ESR1: variants seen among roughly 807,000 people sequenced by gnomAD.
The protein encoded by ESR1 is estrogen receptor.
A neutral mutation model predicts 52.7 loss-of-function variants in ESR1; 12 were observed. The ratio of observed to expected loss-of-function variants is 0.23; its 90% CI spans 0.15 to 0.37. The LOEUF is 0.37. ESR1 is among the 10% of genes least tolerant of loss of function. The pLI is 1.00. For synonymous variants in ESR1, 305 were observed against 316.8 expected, an observed-to-expected ratio of 0.96 and a Z score of 0.39; for missense variants, 584 against 779.7, an observed-to-expected ratio of 0.75 and a Z score of 2.99.
chr6:151,909,505 G>A (rs894541288), intron 3 of ESR1, among the ~76,000 whole-genome samples: 2 of 152,184 alleles, frequency 1.3e-5, no homozygotes, highest in African/African-American at 4.8e-5. Flanking sequence ...ATGAGCTTCT[G>A]ACACCAGGAA....
intron 6 of ESR1, among the ~76,000 whole-genome samples, chr6:152,087,266 T>C (rs1682017180): frequency 6.6e-6 from 1 of 152,206 alleles, no homozygotes; most frequent in Non-Finnish European, 1.5e-5. Context: ...AAATGACTTC[T>C]AAATAACTTC....
intron 6 of ESR1, among the ~76,000 whole-genome samples, chr6:152,115,571 A>G (rs970982773): frequency 3.3e-5 from 5 of 152,232 alleles, no homozygotes; most frequent in Non-Finnish European, 7.3e-5. Context: ...TCTACCAAGG[A>G]AAAAGAACCT....
chr6:151,801,025 T>TG (rs1485125535), upstream of ESR1, among the ~76,000 whole-genome samples: 1 of 149,982 alleles, frequency 6.7e-6, no homozygotes, highest in Non-Finnish European at 1.5e-5. Context: ...GCTCTGAAAT[T>TG]GGGGATGGTT....
At chr6:151,961,118 A>G (rs974854127) in intron 4 of ESR1, among the ~76,000 whole-genome samples, 2 of 152,098 alleles carry the variant, frequency 1.3e-5, no homozygotes, top group African/African-American at 4.8e-5. Flanking sequence ...AGTTTAGGAG[A>G]GAGGCTGGAC....
rs911610541 is a variant in ESR1 at position 151,879,656 on chromosome 6, G to A, written c.644-999G>A. 5.3e-5 allele frequency among the ~76,000 whole-genome samples: 8 copies of A among 152,122 alleles called. No individual in the cohort carries two copies. The East Asian group carries it at 5.8e-4, about 11-fold the overall frequency. On this transcript the variant is annotated intron_variant, in intron 2 of 7. Transcript: ENST00000206249. Reference sequence around the variant, plus strand: ...TCTTTTGAGTGTTTTCTATATCCGGGGAACTATGGTAAACTCCTAACCTGC... The same window carrying A: ...TCTTTTGAGTGTTTTCTATATCCGGAGAACTATGGTAAACTCCTAACCTGC...
rs2046872656 is a variant in ESR1 at position 152,053,680 on chromosome 6, G to T, written c.1236-7311G>T. ...TCTCTCTCTCTCTCTCTCTTCCCTA[G>T]TGAGCTCACTTGCTTTCCCAGTTTC... is the stretch of plus-strand genomic sequence containing the variant. On this transcript the variant is annotated intron_variant, in intron 5 of 7. Transcript: ENST00000206249. This position sits in a 1 kb window ranked among gnomAD's most constrained non-coding sequence, Gnocchi z 4.1. 6.7e-6 allele frequency among the ~76,000 whole-genome samples: 1 copy of T among 150,262 alleles called. No individual in the cohort carries two copies. The highest frequency in any genetic ancestry group is 6.7e-5 in the Admixed American group (1 of 14,990).
intron 1 of ESR1, among the ~76,000 whole-genome samples, chr6:151,681,231 A>T: frequency 6.6e-6 from 1 of 152,198 alleles, no homozygotes; most frequent in Non-Finnish European, 1.5e-5. Flanking sequence ...ATTCTTAATT[A>T]TATTTCTGGC....
rs894092114 is a variant in ESR1, at chr6:152,099,663, C to T, written c.*697C>T. The T allele has an allele frequency of 2.3e-5, 6 of 257,928 alleles. No individual in the cohort carries two copies. Among genetic ancestry groups the T allele is most frequent in the South Asian group, 1.7e-4 (1 of 5,788 alleles). The allele number at this position is 257,928 out of a possible 1,614,324, so 16.0% of individuals were successfully genotyped here. A position where few individuals can be genotyped will look rare whatever the true frequency, so the allele number is the denominator to read the frequency against. On this transcript the variant is annotated 3_prime_UTR_variant, in exon 8 of 8. Coordinates refer to ENST00000206249, the MANE Select transcript of ESR1 (RefSeq NM_000125.4). ...GCTGAAAGCTCTGCCTCTGGCTTTCCGGTCATGGGTTCCAGTTAATTCATG... is the reference window on the plus strand; with the variant it reads ...GCTGAAAGCTCTGCCTCTGGCTTTCTGGTCATGGGTTCCAGTTAATTCATG...
chr6:151,863,877 G>T (rs1187581094), intron 2 of ESR1, among the ~76,000 whole-genome samples: 1 of 152,144 alleles, frequency 6.6e-6, no homozygotes, highest in Non-Finnish European at 1.5e-5. Context: ...GCTGAAACTG[G>T]ATCACTTCCT....
chr6:151,765,257 G>A (rs1441899814), intron 2 of ESR1, among the ~76,000 whole-genome samples: 2 of 152,002 alleles, frequency 1.3e-5, no homozygotes, highest in African/African-American at 2.4e-5. Flanking sequence ...GATAGATATC[G>A]TAAAATTTAC....
chr6:151,679,934 G>A (rs1157065135), intron 1 of ESR1, among the ~76,000 whole-genome samples: 1 of 152,134 alleles, frequency 6.6e-6, no homozygotes, highest in East Asian at 1.9e-4. Context: ...TGGCTTATAA[G>A]TCCAGTCCCT....
At chr6:151,894,774 G>C (rs1795212856) in intron 3 of ESR1, among the ~76,000 whole-genome samples, 1 of 152,124 alleles carries the variant, frequency 6.6e-6, no homozygotes, top group Admixed American at 6.5e-5. Context: ...GTACCATGCT[G>C]TTTCGGTGAC....
chr6:151,734,654 T>A (rs3020344), intron 2 of ESR1, among the ~76,000 whole-genome samples: 4 of 151,586 alleles, frequency 2.6e-5, no homozygotes, highest in African/African-American at 4.8e-5. Flanking sequence ...AGACAGTCTC[T>A]CTCTGTCACC....
At chr6:151,977,923 A>C (rs1490347568) in intron 4 of ESR1, among the ~76,000 whole-genome samples, 1 of 150,076 alleles carries the variant, frequency 6.7e-6, no homozygotes, top group African/African-American at 2.4e-5. Context: ...GACCCTTCTG[A>C]AAATAACCAC....
At chr6:152,083,763 GA>G (rs1253490685) in intron 6 of ESR1, among the ~76,000 whole-genome samples, 1 of 152,042 alleles carries the variant, frequency 6.6e-6, no homozygotes, top group African/African-American at 2.4e-5. Context: ...AAATTTACAA[GA>G]AAAAAACAAA....
At chr6:151,913,946 A>G (rs1237396792) in intron 3 of ESR1, among the ~76,000 whole-genome samples, 1 of 152,074 alleles carries the variant, frequency 6.6e-6, no homozygotes, top group East Asian at 1.9e-4. Context: ...CATTCAGTCC[A>G]TTTCATCAGA....
At chr6:151,672,469 T>C (rs564680447) in intron 1 of ESR1, among the ~76,000 whole-genome samples, 126 of 152,238 alleles carry the variant, frequency 8.3e-4, no homozygotes, top group African/African-American at 3.0e-3. Context: ...CCTAGGTAGC[T>C]GGGATTACAG....
At chr6:151,720,650 T>C (rs1480666293) in intron 2 of ESR1, among the ~76,000 whole-genome samples, 1 of 152,174 alleles carries the variant, frequency 6.6e-6, no homozygotes, top group African/African-American at 2.4e-5. Context: ...ACAAGTATAA[T>C]TGCTTTTATA....
At chr6:152,113,549 A>G (rs758658157) in intron 6 of ESR1, among the ~76,000 whole-genome samples, 15 of 152,008 alleles carry the variant, frequency 9.9e-5, no homozygotes, top group Non-Finnish European at 1.6e-4. Flanking sequence ...ACACTGACAC[A>G]TTTGTGAAGA....
Sources: gnomAD v4.1 joint callset for allele counts (sites outside exome capture counted in the v4.1 genomes callset) on GRCh38, gnomAD v4.1.1 for gene constraint, Gnocchi (gnomAD v3.1) non-coding constraint, MANE v1.5 for transcripts, NCBI Gene and HGNC (gene_info 2026-07-23, HGNC 2026-07-21) for gene names.